TEX11: variants seen among roughly 807,000 people sequenced by gnomAD.
TEX11 encodes the protein testis expressed 11.
Under a neutral mutation model 84.4 loss-of-function variants are expected in TEX11, and 7 were observed. The observed-to-expected ratio is 0.08, with a 90% CI of 0.05 to 0.16. TEX11 has a LOEUF of 0.16. Among genes scored for constraint, TEX11 ranks in the 10% least tolerant of loss-of-function variants. The pLI, the probability that TEX11 is intolerant of heterozygous loss-of-function variation, is 1.00. For missense variants in TEX11, 551 were observed against 660.5 expected, an observed-to-expected ratio of 0.83 and a Z score of 1.82; for synonymous variants, 264 against 222.8, an observed-to-expected ratio of 1.18 and a Z score of -1.64.
At chrX:70,608,949 T>G in intron 22 of TEX11, 142 bp downstream of exon 22, 1 of 452,832 alleles carries the variant, frequency 2.2e-6, no homozygotes, top group Admixed American at 4.5e-5. Flanking sequence ...ATATAACTAT[T>G]TCCATTTTAT....
At position 70,829,107 on chromosome X, in the gene TEX11, G is replaced by A. The variant is rs1362712564; in HGVS notation, c.606+4406C>T. Among the ~76,000 whole-genome samples, 18 of 112,004 alleles carry A rather than the reference G, an allele frequency of 1.6e-4. No homozygotes were observed. The Admixed American group carries it at 1.7e-3, about 11-fold the overall frequency. On this transcript the variant is annotated intron_variant, in intron 8 of 29. Coordinates refer to ENST00000374333, the MANE Select transcript of TEX11 (RefSeq NM_031276.3). ...TGTCCTACAAGAAATGCTAAAGGGA[G>A]TTGTTCAATCTGAAAGAAAAGGATG...
chrX:70,828,231 A>G (rs2091357570), intron 8 of TEX11, among the ~76,000 whole-genome samples: 1 of 111,031 alleles, frequency 9.0e-6, no homozygotes, highest in South Asian at 3.8e-4. Flanking sequence ...GACTTCACCA[A>G]ATGAATTAAA....
chrX:70,853,370 C>G, intron 5 of TEX11, 42 bp from the exon 6 acceptor site: 1 of 959,427 alleles, frequency 1.0e-6, no homozygotes, highest in Non-Finnish European at 1.5e-6. Context: ...AAAATTCATA[C>G]CTCCCCCAAA....
chrX:70,774,509 T>C (rs2090990359), intron 9 of TEX11, among the ~76,000 whole-genome samples: 1 of 111,230 alleles, frequency 9.0e-6, no homozygotes, highest in African/African-American at 3.3e-5. Context: ...ATAAATAACT[T>C]TGGTAAACTT....
chrX:70,905,906 A>G (rs1479982829), intron 2 of TEX11, among the ~76,000 whole-genome samples: 1 of 103,175 alleles, frequency 9.7e-6, no homozygotes, highest in Non-Finnish European at 2.0e-5. Context: ...ACAAAAAATT[A>G]GCCGGGCATG....
chrX:70,687,141 A>C (rs1014182253), intron 13 of TEX11, among the ~76,000 whole-genome samples: 3 of 111,266 alleles, frequency 2.7e-5, no homozygotes, highest in Non-Finnish European at 5.7e-5. Flanking sequence ...TATTTAACCC[A>C]TCTTTCCACC....
intron 2 of TEX11, among the ~76,000 whole-genome samples, chrX:70,904,596 C>T (rs1483247170): frequency 2.7e-5 from 3 of 111,911 alleles, no homozygotes; most frequent in African/African-American, 9.7e-5. Flanking sequence ...AGCAATTTGG[C>T]AATATCTATA....
intron 7 of TEX11, among the ~76,000 whole-genome samples, chrX:70,844,782 C>T (rs1221346828): frequency 9.1e-6 from 1 of 109,537 alleles, no homozygotes; most frequent in Non-Finnish European, 1.9e-5. Context: ...CAAAACAAAA[C>T]AAAAAAGCCA....
intron 25 of TEX11, among the ~76,000 whole-genome samples, chrX:70,557,742 C>T (rs930820868): frequency 9.0e-6 from 1 of 111,589 alleles, no homozygotes; most frequent in African/African-American, 3.3e-5. Context: ...CAGAAACTGA[C>T]AGTTGATCTT....
intron 3 of TEX11, among the ~76,000 whole-genome samples, chrX:70,877,363 T>TA: frequency 9.1e-6 from 1 of 109,633 alleles, no homozygotes; most frequent in South Asian, 3.9e-4. Flanking sequence ...CTACTATCAA[T>TA]AAAAAAACAG....
intron 25 of TEX11, among the ~76,000 whole-genome samples, chrX:70,587,110 T>C (rs1466488740): frequency 8.9e-6 from 1 of 111,789 alleles, no homozygotes; most frequent in African/African-American, 3.2e-5. Context: ...AATTGGAACT[T>C]ATGTTTAAAA....
At chrX:70,689,140 T>C (rs970845647) in intron 13 of TEX11, among the ~76,000 whole-genome samples, 2 of 110,806 alleles carry the variant, frequency 1.8e-5, no homozygotes, top group Non-Finnish European at 3.8e-5. Context: ...CACTGTTGGA[T>C]TGGGAACAGA....
At chrX:70,649,357 C>T (rs1020093604) in intron 17 of TEX11, among the ~76,000 whole-genome samples, 1 of 112,114 alleles carries the variant, frequency 8.9e-6, no homozygotes, top group Non-Finnish European at 1.9e-5. Flanking sequence ...ATTCCTATTT[C>T]TCTACAGCCT....
chrX:70,520,506 G>A, the TEX11 span, among the ~76,000 whole-genome samples: 1 of 111,881 alleles, frequency 8.9e-6, no homozygotes, highest in Non-Finnish European at 1.9e-5. Context: ...TTCTTCCTCT[G>A]GAAGCTTCGT....
At chrX:70,813,063 T>C (rs1157785203) in intron 8 of TEX11, among the ~76,000 whole-genome samples, 1 of 111,240 alleles carries the variant, frequency 9.0e-6, no homozygotes, top group Non-Finnish European at 1.9e-5. Flanking sequence ...TTTCAATCAA[T>C]AGAAAAAGAA....
intron 13 of TEX11, among the ~76,000 whole-genome samples, chrX:70,710,315 A>G (rs1448125019): frequency 6.3e-5 from 7 of 111,771 alleles, no homozygotes; most frequent in Non-Finnish European, 1.3e-4. Flanking sequence ...CAGTCATAGC[A>G]TGTTTGTAGA....
At chrX:70,614,331 T>C (rs1480432184) in intron 20 of TEX11, among the ~76,000 whole-genome samples, 1 of 110,677 alleles carries the variant, frequency 9.0e-6, no homozygotes, top group East Asian at 2.8e-4. Context: ...AAAGGTGAAA[T>C]AAGGCCTGGC....
At chrX:70,788,969 TATATAGAGAGAGAGAGAGAGAGAGAG>T (rs1357077230) in intron 9 of TEX11, among the ~76,000 whole-genome samples, 2 of 24,945 alleles carry the variant, frequency 8.0e-5, no homozygotes, top group Non-Finnish European at 1.3e-4. Flanking sequence ...TATATATATA[TATATAGAGAGAGAGAGAGAGAGAGAG>T]AGAGAGAGAG....
intron 13 of TEX11, among the ~76,000 whole-genome samples, chrX:70,694,720 A>T (rs1057329644): frequency 1.8e-5 from 2 of 112,227 alleles, no homozygotes; most frequent in African/African-American, 6.5e-5. Context: ...AAGACTGTGT[A>T]ATTTATAAAG....
Sources: allele counts gnomAD v4.1 joint callset (sites outside exome capture counted in the v4.1 genomes callset), GRCh38; gene constraint gnomAD v4.1.1; transcripts MANE v1.5; gene names NCBI Gene and HGNC (gene_info 2026-07-23, HGNC 2026-07-21).